TLE3: variants seen among roughly 807,000 people sequenced by gnomAD.
The protein encoded by TLE3 is TLE family member 3, transcriptional corepressor.
In TLE3, 14 loss-of-function variants were observed where a neutral mutation model predicts 93.0. The ratio of observed to expected loss-of-function variants is 0.15; its 90% CI spans 0.10 to 0.24. The LOEUF (loss-of-function observed/expected upper bound fraction) is 0.24, where lower values mean the gene tolerates loss of function less well. Ranked by LOEUF, TLE3 falls within the 10% of genes least tolerant of loss-of-function variation. The probability of loss-of-function intolerance (pLI) is 1.00; values close to 1 mark genes in which losing one functional copy is unlikely to be tolerated. For synonymous variants in TLE3, 451 were observed against 425.0 expected, an observed-to-expected ratio of 1.06 and a Z score of -0.75; for missense variants, 693 against 1,046.6, an observed-to-expected ratio of 0.66 and a Z score of 4.66.
At chr15:70,074,685 G>A in intron 5 of TLE3, 78 bp from the exon 6 acceptor site, 1 of 1,300,308 alleles carries the variant, frequency 7.7e-7, no homozygotes, top group South Asian at 1.4e-5. Flanking sequence ...GCACTGGCAG[G>A]GCCTCTCGGA....
intron 8 of TLE3, among the ~76,000 whole-genome samples, chr15:70,063,938 G>A (rs552694770): frequency 2.6e-5 from 4 of 152,318 alleles, no homozygotes; most frequent in Non-Finnish European, 4.4e-5. Flanking sequence ...ATCCTAGCAG[G>A]GGGGTGGTAA....
rs536335031 is a variant in TLE3 at position 70,070,734 on chromosome 15, C to T, written c.372+3799G>A. Among the ~76,000 whole-genome samples the T allele has an allele frequency of 2.9e-4, 44 of 152,324 alleles. No individual in the cohort carries two copies. The Middle Eastern group carries it at 0.01, about 35-fold the overall frequency. The stretch of plus-strand genomic sequence containing the variant: ...GAGCCCAGACTCAAACTCAGCGTTA[C>T]CTCCTTCCACCATGGCTGCCTGGCT... On this transcript the variant is annotated intron_variant, in intron 6 of 19. Coordinates refer to ENST00000451782, the MANE Select transcript of TLE3 (RefSeq NM_001105192.3).
intron 4 of TLE3, among the ~76,000 whole-genome samples, chr15:70,076,549 G>T (rs2057455418): frequency 6.6e-6 from 1 of 152,154 alleles, no homozygotes; most frequent in Non-Finnish European, 1.5e-5. Flanking sequence ...GAATTGCTCT[G>T]CCCACTGGTG....
chr15:70,077,681 G>A (rs569668234), intron 4 of TLE3, among the ~76,000 whole-genome samples: 20 of 152,290 alleles, frequency 1.3e-4, no homozygotes, highest in Middle Eastern at 3.4e-3. Context: ...GCCAACCTAC[G>A]GAGCCTGTCC....
intron 13 of TLE3, among the ~76,000 whole-genome samples, chr15:70,057,193 G>A (rs1038394797): frequency 2.0e-5 from 3 of 152,204 alleles, no homozygotes; most frequent in East Asian, 3.8e-4. Flanking sequence ...TGTCAGCCCC[G>A]TTTTGCAGAC....
chr15:70,087,904 C>A (rs989114303), intron 4 of TLE3, among the ~76,000 whole-genome samples: 47 of 152,204 alleles, frequency 3.1e-4, no homozygotes, highest in Admixed American at 3.1e-3. Context: ...ACTAGCCGGG[C>A]CCCCTGGTTA....
At chr15:70,054,138 G>A (rs2055810715) in intron 16 of TLE3, 4 of 305,998 alleles carry the variant, frequency 1.3e-5, no homozygotes, top group South Asian at 1.3e-4. Flanking sequence ...TCTGGTCTCT[G>A]GGGCTCTGCT....
chr15:70,077,518 G>C (rs2057505604), intron 4 of TLE3, among the ~76,000 whole-genome samples: 1 of 152,320 alleles, frequency 6.6e-6, no homozygotes, highest in Non-Finnish European at 1.5e-5. Context: ...CTGGACCTCG[G>C]GAGAATTCCT....
intron 6 of TLE3, among the ~76,000 whole-genome samples, chr15:70,071,858 C>G (rs2057188811): frequency 6.6e-6 from 1 of 152,186 alleles, no homozygotes; most frequent in Admixed American, 6.5e-5. Context: ...GCTCTGCACC[C>G]CGTTATCCTT....
chr15:70,058,119 CA>C lies in TLE3; in HGVS notation c.1051+39del, dbSNP rs1237184066. 1 of 1,613,474 alleles carries C rather than the reference CA, an allele frequency of 6.2e-7. No individual in the cohort carries two copies. Among genetic ancestry groups the C allele is most frequent in the East Asian group, 2.2e-5 (1 of 44,892 alleles). On this transcript the variant is annotated intron_variant, in intron 12 of 19. Transcript: ENST00000451782. This position sits in a 1 kb window ranked among gnomAD's most constrained non-coding sequence, Gnocchi z 4.1. Reference sequence around the variant, plus strand: ...TGGCCAAGAGCAGACCCCCTCCCCCCAATCAGATTAACCCAGCCCATGGTGC... The same window carrying C: ...TGGCCAAGAGCAGACCCCCTCCCCCCATCAGATTAACCCAGCCCATGGTGC...
intron 14 of TLE3, chr15:70,055,862 C>A: frequency 3.8e-6 from 1 of 263,818 alleles, no homozygotes; most frequent in South Asian, 4.3e-5. Flanking sequence ...TCCTAGCAAC[C>A]CAAGGAAGTG....
chr15:70,071,737 C>T (rs2141742368), intron 6 of TLE3, among the ~76,000 whole-genome samples: 1 of 152,270 alleles, frequency 6.6e-6, no homozygotes, highest in East Asian at 1.9e-4. Flanking sequence ...GCAGCAAATC[C>T]AACAGTGCAG....
At position 70,051,450 on chromosome 15, in the gene TLE3, T is replaced by C; in HGVS notation, c.2143A>G (p.Thr715Ala). The C allele has an allele frequency of 1.2e-6, 2 of 1,609,424 alleles. No individual in the cohort carries two copies. The highest frequency in any genetic ancestry group is 1.7e-6 in the Non-Finnish European group (2 of 1,177,818). Residue 715 changes from threonine to alanine, a missense_variant, in exon 19 of 20, where the codon ACT becomes GCT. Around this residue, in one of 4 missense-constraint regions of TLE3, gnomAD observed 153 missense variants for 379.9 expected, o/e 0.40. Transcript: ENST00000451782. ...GCGTTGAGAAGGTTATCTTTCCCAG[T>C]GCTCACGAACCACTTGCCTGCAGGT... is the stretch of plus-strand genomic sequence containing the variant. ...FAYCGKWFVS[T>A]GKDNLLNAWR...
intron 9 of TLE3, among the ~76,000 whole-genome samples, chr15:70,060,240 G>C (rs1462055414): frequency 2.0e-5 from 3 of 152,210 alleles, no homozygotes; most frequent in Non-Finnish European, 4.4e-5. Context: ...GCAGCACCAT[G>C]ACAGCAGCAT....
intron 15 of TLE3, 110 bp from the exon 16 acceptor site, chr15:70,054,795 C>T: frequency 7.2e-7 from 1 of 1,398,566 alleles, no homozygotes; most frequent in Non-Finnish European, 9.5e-7. Flanking sequence ...TACAGCCTCC[C>T]CCTATACCCA....
chr15:70,070,092 G>A (rs1046169581), intron 6 of TLE3, among the ~76,000 whole-genome samples: 5 of 152,220 alleles, frequency 3.3e-5, no homozygotes, highest in South Asian at 2.1e-4. Context: ...AATATGAAAG[G>A]AAGTCAATAA....
chr15:70,071,968 C>T (rs534198966), intron 6 of TLE3, among the ~76,000 whole-genome samples: 3 of 152,358 alleles, frequency 2.0e-5, no homozygotes, highest in East Asian at 1.9e-4. Context: ...CGGACTCCTT[C>T]GCGGGAGTGC....
rs746908911 is a variant in TLE3 at position 70,050,047 on chromosome 15, G to A, written c.*50C>T. On this transcript the variant is annotated 3_prime_UTR_variant, in exon 20 of 20. Transcript: ENST00000451782. ...CCCTCGCCTGGGGGTCTCCCTGTCAGAGCCGAGTCGGTTTCTCCCAGAGTT... is the reference window on the plus strand; with the variant it reads ...CCCTCGCCTGGGGGTCTCCCTGTCAAAGCCGAGTCGGTTTCTCCCAGAGTT... 6.5e-7 allele frequency: 1 copy of A among 1,539,458 alleles called. No homozygotes were observed. Among genetic ancestry groups the A allele is most frequent in the Non-Finnish European group, 9.0e-7 (1 of 1,113,106 alleles).
chr15:70,061,636 A>C (rs998666580), intron 8 of TLE3, among the ~76,000 whole-genome samples: 3 of 152,124 alleles, frequency 2.0e-5, no homozygotes, highest in African/African-American at 7.2e-5. Context: ...CCCAGAGACT[A>C]ATATCAGGAC....
Sources: gnomAD v4.1 joint callset for allele counts (sites outside exome capture counted in the v4.1 genomes callset) on GRCh38, gnomAD v4.1.1 for gene constraint, gnomAD v4.1.1 regional missense constraint, Gnocchi (gnomAD v3.1) non-coding constraint, MANE v1.5 for transcripts, NCBI Gene and HGNC (gene_info 2026-07-23, HGNC 2026-07-21) for gene names.